The following MTUS2 variants were observed in gnomAD, a reference collection of about 807,000 sequenced individuals.
The protein encoded by MTUS2 is microtubule-associated tumor suppressor candidate 2.
A neutral mutation model predicts 114.1 loss-of-function variants in MTUS2; 40 were observed. The ratio of observed to expected loss-of-function variants is 0.35; its 90% CI spans 0.27 to 0.46. MTUS2 has a LOEUF of 0.46. MTUS2 is among the 20% of genes least tolerant of loss of function. The pLI is 1.00. For missense variants in MTUS2, 1,679 were observed against 1,705.4 expected, an observed-to-expected ratio of 0.98 and a Z score of 0.27; for synonymous variants, 688 against 672.0, an observed-to-expected ratio of 1.02 and a Z score of -0.37.
chr13:29,196,255 C>T (rs1308163458), intron 5 of MTUS2, among the ~76,000 whole-genome samples: 1 of 152,032 alleles, frequency 6.6e-6, no homozygotes. Context: ...TGCCACCACA[C>T]CCAGCTAATT....
chr13:29,407,056 C>T (rs1326740154), intron 8 of MTUS2, among the ~76,000 whole-genome samples: 1 of 152,116 alleles, frequency 6.6e-6, no homozygotes, highest in Non-Finnish European at 1.5e-5. Flanking sequence ...ACCAGCCTGG[C>T]CAACATGGTG....
At chr13:29,164,250 C>T (rs1334021328) in intron 5 of MTUS2, among the ~76,000 whole-genome samples, 1 of 152,230 alleles carries the variant, frequency 6.6e-6, no homozygotes, top group African/African-American at 2.4e-5. Context: ...TGGAGGGCTC[C>T]CTTCTCGCTC....
chr13:29,380,785 G>A lies in MTUS2; in HGVS notation c.3117+21312G>A, dbSNP rs1355599653. ...CAAAAAATTAGCCGGGCGCGGTGGC[G>A]GGCACCTGTAGTCCCAGCTACTCGG... On this transcript the variant is annotated intron_variant, in intron 8 of 15. Coordinates refer to ENST00000612955, the MANE Select transcript of MTUS2 (RefSeq NM_001033602.4). 2.7e-4 allele frequency among the ~76,000 whole-genome samples: 17 copies of A among 62,152 alleles called. 6 individuals carry two copies. Among genetic ancestry groups the A allele is most frequent in the African/African-American group, 5.2e-4 (15 of 28,614 alleles). The allele number at this position is 62,152 out of a possible 152,430, so 40.8% of individuals were successfully genotyped here. A position where few individuals can be genotyped will look rare whatever the true frequency, so the allele number is the denominator to read the frequency against.
intron 1 of MTUS2, among the ~76,000 whole-genome samples, chr13:28,832,784 AAAAAC>A (rs1489857705): frequency 2.1e-5 from 3 of 140,930 alleles, no homozygotes; most frequent in Non-Finnish European, 4.7e-5. Flanking sequence ...TAAAATCAAT[AAAAAC>A]AAAAAGTTGT....
chr13:29,257,576 A>C (rs1193440910), intron 5 of MTUS2, among the ~76,000 whole-genome samples: 1 of 152,188 alleles, frequency 6.6e-6, no homozygotes, highest in African/African-American at 2.4e-5. Flanking sequence ...ATTTGATCTT[A>C]AAAGGAGTTT....
intron 9 of MTUS2, among the ~76,000 whole-genome samples, chr13:29,441,248 C>T (rs750688496): frequency 3.3e-5 from 5 of 152,068 alleles, no homozygotes; most frequent in Non-Finnish European, 4.4e-5. Context: ...CTTCTTCCAA[C>T]AGTCGGCTAG....
intron 8 of MTUS2, among the ~76,000 whole-genome samples, chr13:29,360,853 C>T (rs969523963): frequency 6.6e-6 from 1 of 152,120 alleles, no homozygotes; most frequent in African/African-American, 2.4e-5. Context: ...AGGGCTGTTC[C>T]TTGAAGTTCA....
At chr13:29,402,050 A>G (rs978703903) in intron 8 of MTUS2, among the ~76,000 whole-genome samples, 2 of 152,188 alleles carry the variant, frequency 1.3e-5, no homozygotes, top group Non-Finnish European at 2.9e-5. Flanking sequence ...TACATAATAT[A>G]TATGGATGTA....
chr13:29,147,038 T>C (rs1892464466), intron 5 of MTUS2, among the ~76,000 whole-genome samples: 1 of 152,220 alleles, frequency 6.6e-6, no homozygotes, highest in South Asian at 2.1e-4. Context: ...TTGTGAACTT[T>C]AGGTGGCTGT....
intron 4 of MTUS2, among the ~76,000 whole-genome samples, chr13:29,067,494 G>A (rs567182772): frequency 6.6e-6 from 1 of 152,172 alleles, no homozygotes; most frequent in African/African-American, 2.4e-5. Context: ...AGCAGTTGGT[G>A]ACCTAGTTTT....
intron 2 of MTUS2, among the ~76,000 whole-genome samples, chr13:29,015,698 T>G (rs1335786900): frequency 1.3e-5 from 2 of 152,110 alleles, no homozygotes; most frequent in African/African-American, 4.8e-5. Flanking sequence ...ACTCTAACAA[T>G]AAGGGGAACT....
At chr13:29,363,409 T>C (rs1030176509) in intron 8 of MTUS2, among the ~76,000 whole-genome samples, 9 of 152,220 alleles carry the variant, frequency 5.9e-5, no homozygotes, top group African/African-American at 1.9e-4. Flanking sequence ...TATTAAATAG[T>C]TTAGGCATAA....
chr13:29,323,648 A>G (rs557878654), intron 6 of MTUS2, among the ~76,000 whole-genome samples: 5 of 152,326 alleles, frequency 3.3e-5, no homozygotes, highest in East Asian at 3.9e-4. Context: ...TTTATTTCAT[A>G]TATTTATCTA....
intron 2 of MTUS2, among the ~76,000 whole-genome samples, chr13:28,847,087 G>A (rs1302517084): frequency 6.6e-6 from 1 of 152,188 alleles, no homozygotes; most frequent in East Asian, 1.9e-4. Flanking sequence ...ATGTGGAAGA[G>A]TTCATGTCCT....
chr13:29,338,939 G>T (rs1261549318), intron 7 of MTUS2, among the ~76,000 whole-genome samples: 1 of 152,130 alleles, frequency 6.6e-6, no homozygotes, highest in Non-Finnish European at 1.5e-5. Context: ...GCGGGGCTGA[G>T]GCTTGCAGAA....
intron 4 of MTUS2, among the ~76,000 whole-genome samples, chr13:29,071,229 T>A: frequency 6.6e-6 from 1 of 151,604 alleles, no homozygotes; most frequent in Non-Finnish European, 1.5e-5. Flanking sequence ...CTCCAACTCC[T>A]GACCTCGTGA....
At chr13:29,286,699 T>TATCTATCTATCTATCTATCTATCTATC (rs1566110757) in intron 6 of MTUS2, among the ~76,000 whole-genome samples, 2 of 151,946 alleles carry the variant, frequency 1.3e-5, no homozygotes, top group African/African-American at 2.4e-5. Context: ...TCTATCTATC[T>TATCTATCTATCTATCTATCTATCTATC]TACTTATTTG....
chr13:29,201,264 T>C (rs2139238739), intron 5 of MTUS2, among the ~76,000 whole-genome samples: 2 of 152,324 alleles, frequency 1.3e-5, no homozygotes, highest in Non-Finnish European at 2.9e-5. Flanking sequence ...CACTATGTAA[T>C]GCCCTTCTTT....
intron 5 of MTUS2, among the ~76,000 whole-genome samples, chr13:29,212,211 G>A (rs1895470633): frequency 6.6e-6 from 1 of 152,054 alleles, no homozygotes; most frequent in Admixed American, 6.6e-5. Flanking sequence ...TGGTTATTTG[G>A]AAGTGTATTG....
Sources: gnomAD v4.1 joint callset for allele counts (sites outside exome capture counted in the v4.1 genomes callset) on GRCh38, gnomAD v4.1.1 for gene constraint, MANE v1.5 for transcripts, NCBI Gene and HGNC (gene_info 2026-07-23, HGNC 2026-07-21) for gene names.